Variants in CTNND2 observed in about 807,000 individuals in gnomAD.
CTNND2 encodes catenin delta-2.
Under a neutral mutation model 144.4 loss-of-function variants are expected in CTNND2, and 22 were observed. The observed-to-expected ratio is 0.15, with a 90% CI of 0.11 to 0.22. The LOEUF (loss-of-function observed/expected upper bound fraction) is 0.22. CTNND2 is among the 10% of genes least tolerant of loss of function. The pLI, the probability that CTNND2 is intolerant of heterozygous loss-of-function variation, is 1.00. For synonymous variants in CTNND2, 751 were observed against 695.6 expected, an observed-to-expected ratio of 1.08 and a Z score of -1.25; for missense variants, 1,353 against 1,618.8, an observed-to-expected ratio of 0.84 and a Z score of 2.82.
At chr5:10,985,123 T>C (rs910822550) in intron 20 of CTNND2, among the ~76,000 whole-genome samples, 4 of 151,698 alleles carry the variant, frequency 2.6e-5, no homozygotes, top group Admixed American at 2.0e-4. Flanking sequence ...CATAAATAAA[T>C]GGCATAAGAA....
chr5:11,474,617 T>C (rs1451986903), intron 3 of CTNND2, among the ~76,000 whole-genome samples: 3 of 152,108 alleles, frequency 2.0e-5, no homozygotes, highest in Non-Finnish European at 4.4e-5. Context: ...AACGCAGGTG[T>C]CTCCTTAGGG....
rs560000345 is a variant in CTNND2, at chr5:11,744,714, CGTGT to C, written c.38-12446_38-12443del. Among the ~76,000 whole-genome samples, 463 of 149,804 alleles carry C rather than the reference CGTGT, an allele frequency of 3.1e-3. 3 individuals carry two copies. Among genetic ancestry groups the C allele is most frequent in the African/African-American group, 9.4e-3 (384 of 40,794 alleles). Reference sequence around the variant, plus strand: ...GTGTGTGCGTGTGTGTGTGTGTGCACGTGTGTGTGTGTGTATTTCTATTTTATTA... The same window carrying C: ...GTGTGTGCGTGTGTGTGTGTGTGCACGTGTGTGTGTATTTCTATTTTATTA... On this transcript the variant is annotated intron_variant, in intron 1 of 21. Coordinates refer to ENST00000304623, the MANE Select transcript of CTNND2 (RefSeq NM_001332.4).
chr5:11,680,027 G>A (rs771779657), intron 2 of CTNND2, among the ~76,000 whole-genome samples: 1 of 152,184 alleles, frequency 6.6e-6, no homozygotes, highest in Non-Finnish European at 1.5e-5. Flanking sequence ...TCGAGAAAGG[G>A]ACTTTGGAAG....
chr5:11,520,919 A>T (rs1772666300), intron 3 of CTNND2, among the ~76,000 whole-genome samples: 1 of 152,230 alleles, frequency 6.6e-6, no homozygotes, highest in African/African-American at 2.4e-5. Flanking sequence ...ACATTTTGTG[A>T]TGCAACAATG....
At chr5:11,839,585 T>G (rs558103100) in intron 1 of CTNND2, among the ~76,000 whole-genome samples, 23 of 152,272 alleles carry the variant, frequency 1.5e-4, no homozygotes, top group Non-Finnish European at 3.1e-4. Context: ...ACATGTTTGA[T>G]GCCTGGGTGG....
intron 1 of CTNND2, among the ~76,000 whole-genome samples, chr5:11,888,747 T>A (rs952740774): frequency 7.1e-6 from 1 of 140,886 alleles, no homozygotes; most frequent in Non-Finnish European, 1.6e-5. Flanking sequence ...TCAGAATGAC[T>A]CTTTTTTTTT....
At chr5:10,985,806 A>T (rs1021006170) in intron 20 of CTNND2, among the ~76,000 whole-genome samples, 1 of 152,222 alleles carries the variant, frequency 6.6e-6, no homozygotes, top group African/African-American at 2.4e-5. Flanking sequence ...TGGGGGTTGT[A>T]AACTCAATAT....
chr5:11,412,997 G>C (rs1561355755), intron 3 of CTNND2, among the ~76,000 whole-genome samples: 3 of 152,152 alleles, frequency 2.0e-5, no homozygotes, highest in Non-Finnish European at 4.4e-5. Flanking sequence ...CGGAGAAAAA[G>C]GGAATTCTGG....
intron 2 of CTNND2, among the ~76,000 whole-genome samples, chr5:11,708,488 C>T (rs1227112418): frequency 6.6e-6 from 1 of 152,118 alleles, no homozygotes; most frequent in African/African-American, 2.4e-5. Flanking sequence ...TATAATAACA[C>T]TAGTAATAAG....
chr5:11,428,150 C>T (rs1021722734), intron 3 of CTNND2, among the ~76,000 whole-genome samples: 1 of 152,108 alleles, frequency 6.6e-6, no homozygotes, highest in Non-Finnish European at 1.5e-5. Context: ...TTCTGGGAGA[C>T]ACAATTCAAG....
intron 16 of CTNND2, among the ~76,000 whole-genome samples, chr5:11,029,213 T>C (rs1743188839): frequency 6.6e-6 from 1 of 152,224 alleles, no homozygotes. Context: ...AACATATAAT[T>C]GCATCATATT....
chr5:11,424,803 A>T (rs1312333865), intron 3 of CTNND2, among the ~76,000 whole-genome samples: 2 of 152,194 alleles, frequency 1.3e-5, no homozygotes, highest in Non-Finnish European at 2.9e-5. Flanking sequence ...GATTGGGAAT[A>T]GTGAAGTAAC....
At chr5:11,112,017 T>G (rs929573257) in intron 13 of CTNND2, among the ~76,000 whole-genome samples, 5 of 152,056 alleles carry the variant, frequency 3.3e-5, no homozygotes, top group African/African-American at 1.2e-4. Flanking sequence ...CAGCTAATTT[T>G]TTTTTGTATT....
chr5:11,277,410 C>T (rs1746647858), intron 9 of CTNND2, among the ~76,000 whole-genome samples: 1 of 151,912 alleles, frequency 6.6e-6, no homozygotes, highest in Non-Finnish European at 1.5e-5. Context: ...TGCAGAACAG[C>T]TTAAGTCCCA....
intron 9 of CTNND2, among the ~76,000 whole-genome samples, chr5:11,270,302 G>T (rs952909193): frequency 6.6e-6 from 1 of 151,874 alleles, no homozygotes; most frequent in African/African-American, 2.4e-5. Flanking sequence ...TAGTTATATA[G>T]TTTATATAAC....
intron 12 of CTNND2, among the ~76,000 whole-genome samples, chr5:11,153,948 C>G (rs1161614239): frequency 6.6e-6 from 1 of 152,098 alleles, no homozygotes; most frequent in African/African-American, 2.4e-5. Flanking sequence ...ATTGAGCTAG[C>G]TGCTAGATTA....
At chr5:11,278,423 C>T (rs1450004492) in intron 9 of CTNND2, among the ~76,000 whole-genome samples, 1 of 152,180 alleles carries the variant, frequency 6.6e-6, no homozygotes, top group Non-Finnish European at 1.5e-5. Context: ...CTCCACAGTG[C>T]TTGCATGCCA....
intron 1 of CTNND2, among the ~76,000 whole-genome samples, chr5:11,738,727 T>G (rs968105849): frequency 1.3e-5 from 2 of 152,200 alleles, no homozygotes; most frequent in Non-Finnish European, 2.9e-5. Context: ...ACCATCCAAT[T>G]AAGTGATACA....
intron 21 of CTNND2, among the ~76,000 whole-genome samples, chr5:10,979,020 T>C (rs1736874932): frequency 6.6e-6 from 1 of 152,160 alleles, no homozygotes; most frequent in Non-Finnish European, 1.5e-5. Flanking sequence ...GTTTCTTCAA[T>C]GCCAACTCCC....
Sources: gnomAD v4.1 joint callset for allele counts (sites outside exome capture counted in the v4.1 genomes callset) on GRCh38, gnomAD v4.1.1 for gene constraint, MANE v1.5 for transcripts, NCBI Gene and HGNC (gene_info 2026-07-23, HGNC 2026-07-21) for gene names.